The following MINDY2 variants were observed in gnomAD, a reference collection of about 807,000 sequenced individuals.
The protein encoded by MINDY2 is ubiquitin carboxyl-terminal hydrolase MINDY-2.
A neutral mutation model predicts 68.2 loss-of-function variants in MINDY2; 52 were observed. The observed-to-expected ratio is 0.76, with a 90% CI of 0.61 to 0.96. MINDY2 has a LOEUF of 0.96. Ranked by LOEUF, MINDY2 falls within the 40% of genes least tolerant of loss-of-function variation. The pLI is 0.00. For missense variants in MINDY2, 881 were observed against 773.4 expected (o/e 1.14, Z -1.65); for synonymous variants, 372 against 303.0 (o/e 1.23, Z -2.36).
At chr15:58,853,316 T>G (rs1373049177) in intron 8 of MINDY2, among the ~76,000 whole-genome samples, 1 of 152,064 alleles carries the variant, frequency 6.6e-6, no homozygotes, top group Non-Finnish European at 1.5e-5. Context: ...GAAAGCAAGA[T>G]GCCCTTTTAA....
intron 4 of MINDY2, among the ~76,000 whole-genome samples, chr15:58,820,248 G>A (rs1313386183): frequency 2.0e-5 from 3 of 151,800 alleles, no homozygotes; most frequent in African/African-American, 7.3e-5. Context: ...CCTGGCGACA[G>A]AGTGAGATTC....
In MINDY2 at chr15:58,772,184, C is replaced by T; in HGVS notation, c.789C>T (p.Asn263=). The change falls in exon 1 of 9, where the codon AAC becomes AAT. Residue 263 remains asparagine (N), a synonymous_variant. Coordinates refer to ENST00000559228, the MANE Select transcript of MINDY2 (RefSeq NM_001040450.3). Reference sequence around the variant, plus strand: ...CACCCATCATCACCCAGAATGAGAACGGACCCTGCCCCTTGCTGGCCATCC... The same window carrying T: ...CACCCATCATCACCCAGAATGAGAATGGACCCTGCCCCTTGCTGGCCATCC... The part of the protein sequence containing the change: ...ENTPIITQNE[N]GPCPLLAILN... 1 of 1,613,752 alleles carries T rather than the reference C, an allele frequency of 6.2e-7. No individual in the cohort carries two copies. The highest frequency in any genetic ancestry group is 8.5e-7 in the Non-Finnish European group (1 of 1,180,034).
chr15:58,828,532 A>G lies in MINDY2; in HGVS notation c.1226-3242A>G, dbSNP rs188570951. On this transcript the variant is annotated intron_variant, in intron 5 of 8. Transcript: ENST00000559228. ...TCATGTTCTCTAATAACTGTCCAGT[A>G]ACAGAGGAAAACAGTTTAATGAACT... 3.9e-5 allele frequency among the ~76,000 whole-genome samples: 6 copies of G among 151,934 alleles called. No homozygotes were observed. In the East Asian group the frequency reaches 1.2e-3, roughly 29 times the overall value.
intron 4 of MINDY2, among the ~76,000 whole-genome samples, chr15:58,820,437 C>G (rs2030987156): frequency 6.8e-6 from 1 of 148,134 alleles, no homozygotes. Flanking sequence ...GAGTGAGACT[C>G]CATCTCAAAA....
intron 2 of MINDY2, among the ~76,000 whole-genome samples, chr15:58,796,443 C>T (rs1295520457): frequency 6.6e-6 from 1 of 152,200 alleles, no homozygotes; most frequent in African/African-American, 2.4e-5. Context: ...GTGAGCCAGG[C>T]AGGAAGTTTG....
intron 2 of MINDY2, among the ~76,000 whole-genome samples, chr15:58,799,119 T>C (rs1198304238): frequency 6.6e-6 from 1 of 152,186 alleles, no homozygotes; most frequent in African/African-American, 2.4e-5. Flanking sequence ...ACAAGAATGA[T>C]GTAGGCAAAG....
intron 5 of MINDY2, among the ~76,000 whole-genome samples, chr15:58,826,110 AT>A (rs1387094242): frequency 2.6e-5 from 4 of 152,000 alleles, no homozygotes; most frequent in Non-Finnish European, 5.9e-5. Flanking sequence ...ATTTTAAAAA[AT>A]CTCAAACCTA....
intron 6 of MINDY2, 30 bp downstream of exon 6, chr15:58,831,946 G>C: frequency 3.2e-6 from 5 of 1,586,316 alleles, no homozygotes; most frequent in Non-Finnish European, 4.3e-6. Context: ...ATTTAATCGT[G>C]ATTCTAAATC....
Position 58,771,586 on chromosome 15 carries a change from C to G in MINDY2, c.191C>G (p.Pro64Arg), listed in dbSNP as rs1335957355. ...GCGGCGGCCGCCAGGAGGAGCCTCC[C>G]GGACTCGGCTTCTCCCGCGGGCTCT... Reference protein sequence around the residue: ...LGAAAARRSLPDSASPAGSPE... With the variant: ...LGAAAARRSLRDSASPAGSPE... The change falls in exon 1 of 9, where the codon CCG becomes CGG. Residue 64 changes from proline (P) to arginine (R), a missense_variant. By Grantham distance (103) the Pro-to-Arg change is moderately radical (BLOSUM62 -2). Transcript: ENST00000559228. The G allele has an allele frequency of 1.2e-6, 2 of 1,611,734 alleles. No homozygotes were observed. Among genetic ancestry groups the G allele is most frequent in the African/African-American group, 1.3e-5 (1 of 75,026 alleles).
At chr15:58,801,256 G>C (rs1345960184) in intron 2 of MINDY2, among the ~76,000 whole-genome samples, 1 of 151,780 alleles carries the variant, frequency 6.6e-6, no homozygotes, top group South Asian at 2.1e-4. Flanking sequence ...TTATAGGCAT[G>C]AGCCATCATG....
intron 1 of MINDY2, among the ~76,000 whole-genome samples, chr15:58,775,596 G>C (rs890836926): frequency 6.6e-6 from 1 of 152,178 alleles, no homozygotes; most frequent in African/African-American, 2.4e-5. Flanking sequence ...CTTTGATGAG[G>C]ATAATGTAGC....
At position 58,860,244 on chromosome 15, in the gene MINDY2, G is replaced by C. The variant is rs2033179188; in HGVS notation, c.*5634G>C. On this transcript the variant is annotated 3_prime_UTR_variant, in exon 9 of 9. Coordinates refer to ENST00000559228, the MANE Select transcript of MINDY2 (RefSeq NM_001040450.3). ...TTGGAAGGTGATCCTGGCTCCTTTG[G>C]CTCTCATAATTGTTTTATAGCTGAA... 1 of 152,160 alleles carries C rather than the reference G, an allele frequency of 6.6e-6. No individual in the cohort carries two copies. Among genetic ancestry groups the C allele is most frequent in the Non-Finnish European group, 1.5e-5 (1 of 68,036 alleles). The allele number at this position is 152,160 out of a possible 1,614,324, so 9.4% of individuals were successfully genotyped here.
chr15:58,813,785 T>C (rs555044846), intron 4 of MINDY2, among the ~76,000 whole-genome samples: 1 of 152,028 alleles, frequency 6.6e-6, no homozygotes, highest in East Asian at 1.9e-4. Context: ...GTTTACTAGA[T>C]TACCTGTAGA....
intron 3 of MINDY2, among the ~76,000 whole-genome samples, chr15:58,806,628 T>C (rs761373359): frequency 3.3e-5 from 5 of 152,136 alleles, no homozygotes; most frequent in Non-Finnish European, 7.3e-5. Flanking sequence ...TATGAAGGTA[T>C]AAGCATGAGC....
At position 58,847,342 on chromosome 15, in the gene MINDY2, G is replaced by C; in HGVS notation, c.1414G>C (p.Glu472Gln). The change falls in exon 7 of 9, where the codon GAG becomes CAG. Residue 472 changes from glutamate to glutamine, a missense_variant. By Grantham distance (29) the Glu-to-Gln change is conservative. Transcript: ENST00000559228. ...LVTDQGFLTE[E>Q]KVVWESLHNV... Reference sequence around the variant, plus strand: ...AACGGACCAGGGGTTTCTTACTGAAGAGAAAGTTGTTTGGGAAAGCCTACA... The same window carrying C: ...AACGGACCAGGGGTTTCTTACTGAACAGAAAGTTGTTTGGGAAAGCCTACA... The C allele has an allele frequency of 6.3e-7, 1 of 1,597,180 alleles. No individual in the cohort carries two copies. Among genetic ancestry groups the C allele is most frequent in the Non-Finnish European group, 8.6e-7 (1 of 1,167,182 alleles).
At chr15:58,798,060 A>G (rs1902399576) in intron 2 of MINDY2, among the ~76,000 whole-genome samples, 1 of 152,090 alleles carries the variant, frequency 6.6e-6, no homozygotes, top group African/African-American at 2.4e-5. Flanking sequence ...CACCTCTACA[A>G]TCCCAAAGTG....
At chr15:58,796,145 T>A (rs1340809117) in intron 2 of MINDY2, 1 of 455,722 alleles carries the variant, frequency 2.2e-6, no homozygotes, top group Non-Finnish European at 4.4e-6. Flanking sequence ...GAAGTTTGGG[T>A]ACAAATGGGT....
intron 7 of MINDY2, among the ~76,000 whole-genome samples, chr15:58,848,406 G>A (rs755443929): frequency 6.6e-6 from 1 of 152,112 alleles, no homozygotes; most frequent in Non-Finnish European, 1.5e-5. Context: ...CATGTTATAT[G>A]TTCTATAATG....
At chr15:58,801,422 A>T (rs1252604773) in intron 2 of MINDY2, among the ~76,000 whole-genome samples, 2 of 84,122 alleles carry the variant, frequency 2.4e-5, no homozygotes, top group Non-Finnish European at 5.3e-5. Context: ...TGATAATTAT[A>T]TAGGTAGAAA....
Sources: allele counts gnomAD v4.1 joint callset (sites outside exome capture counted in the v4.1 genomes callset), GRCh38; gene constraint gnomAD v4.1.1; transcripts MANE v1.5; gene names NCBI Gene and HGNC (gene_info 2026-07-23, HGNC 2026-07-21).